The following RIMS2 variants were observed in gnomAD, a reference collection of about 807,000 sequenced individuals.
RIMS2 encodes the protein regulating synaptic membrane exocytosis 2.
In RIMS2, 59 loss-of-function variants were observed where a neutral mutation model predicts 174.4. The ratio of observed to expected loss-of-function variants is 0.34; its 90% CI spans 0.27 to 0.42. The LOEUF (loss-of-function observed/expected upper bound fraction) is 0.42, where lower values mean the gene tolerates loss of function less well. Among genes scored for constraint, RIMS2 ranks in the 10% least tolerant of loss-of-function variants. The pLI is 1.00. For missense variants in RIMS2, 1,620 were observed against 1,666.3 expected, an observed-to-expected ratio of 0.97 and a Z score of 0.48; for synonymous variants, 606 against 572.5, an observed-to-expected ratio of 1.06 and a Z score of -0.84.
rs548237418 is a variant in RIMS2 at position 103,737,228 on chromosome 8, G to A, written c.388-28999G>A. On this transcript the variant is annotated intron_variant, in intron 2 of 23. Coordinates refer to ENST00000504942, the Ensembl canonical transcript of RIMS2. The stretch of plus-strand genomic sequence containing the variant: ...AGACAGAGTCTTACTCTGCCACCCA[G>A]GCTGGAGTGCAGTGGAATGATCTCA... Among the ~76,000 whole-genome samples the A allele has an allele frequency of 2.6e-4, 33 of 125,540 alleles. 1 individual carries two copies. In the Admixed American group the frequency reaches 3.0e-3, roughly 11 times the overall value. 82.4% of individuals were successfully genotyped at this position (125,540 alleles called of 152,430 possible). A position where few individuals can be genotyped will look rare whatever the true frequency, so the allele number is the denominator to read the frequency against.
intron 3 of RIMS2, among the ~76,000 whole-genome samples, chr8:103,855,733 T>C (rs2099023972): frequency 1.3e-5 from 2 of 152,192 alleles, no homozygotes; most frequent in Non-Finnish European, 2.9e-5. Context: ...CTCTGTGGTA[T>C]GTTATTTTTT....
intron 3 of RIMS2, among the ~76,000 whole-genome samples, chr8:103,836,339 T>A (rs2098890487): frequency 6.6e-6 from 1 of 152,090 alleles, no homozygotes; most frequent in Admixed American, 6.6e-5. Flanking sequence ...TCCTTGAGGC[T>A]AGGAGTTTGA....
intron 3 of RIMS2, among the ~76,000 whole-genome samples, chr8:103,805,695 T>A (rs1400536661): frequency 6.6e-6 from 1 of 152,194 alleles, no homozygotes; most frequent in African/African-American, 2.4e-5. Context: ...CTTTTTCTTT[T>A]CATTTCTTCT....
At chr8:103,918,462 T>C (rs770142547) in exon 9 of RIMS2, 11 of 1,603,494 alleles carry the variant, frequency 6.9e-6, no homozygotes, top group Non-Finnish European at 8.5e-6. Flanking sequence ...GAATACCTGA[T>C]AGCACACATG....
chr8:104,047,324 A>G (rs971759090), intron 19 of RIMS2, among the ~76,000 whole-genome samples: 1 of 152,102 alleles, frequency 6.6e-6, no homozygotes, highest in African/African-American at 2.4e-5. Flanking sequence ...ACCTATGCCT[A>G]TCACCCACCT....
At chr8:103,753,634 C>A (rs113245643) in intron 2 of RIMS2, among the ~76,000 whole-genome samples, 34,933 of 151,972 alleles carry the variant, frequency 0.23, 4,293 homozygotes, top group Non-Finnish European at 0.25. Context: ...CGGAGATTCA[C>A]CTTCTTCCTG....
intron 19 of RIMS2, among the ~76,000 whole-genome samples, chr8:104,240,769 G>A (rs1489740871): frequency 9.9e-5 from 15 of 152,162 alleles, no homozygotes; most frequent in Admixed American, 9.8e-4. Flanking sequence ...AATAGATAGA[G>A]CTCACAAGTT....
chr8:103,951,361 C>T (rs1447118730), intron 14 of RIMS2, among the ~76,000 whole-genome samples: 1 of 152,204 alleles, frequency 6.6e-6, no homozygotes, highest in African/African-American at 2.4e-5. Context: ...CAGCTCCCAG[C>T]GAGATCGACG....
At chr8:104,247,630 A>C (rs60418765) in intron 20 of RIMS2, among the ~76,000 whole-genome samples, 30,691 of 152,190 alleles carry the variant, frequency 0.2, 3,383 homozygotes, top group Middle Eastern at 0.26. Flanking sequence ...ATGAAGAATG[A>C]GATTACCATT....
chr8:103,814,046 G>A (rs975943726), intron 3 of RIMS2, among the ~76,000 whole-genome samples: 1 of 152,100 alleles, frequency 6.6e-6, no homozygotes, highest in African/African-American at 2.4e-5. Flanking sequence ...GTAAATATAC[G>A]CCATGGAATA....
intron 19 of RIMS2, among the ~76,000 whole-genome samples, chr8:104,081,674 T>G (rs2097423315): frequency 6.6e-6 from 1 of 152,022 alleles, no homozygotes; most frequent in African/African-American, 2.4e-5. Flanking sequence ...AAAAAAAAGT[T>G]TAATGAAAAG....
intron 3 of RIMS2, among the ~76,000 whole-genome samples, chr8:103,876,953 C>T (rs1437288393): frequency 8.0e-6 from 1 of 125,026 alleles, no homozygotes; most frequent in African/African-American, 2.8e-5. Flanking sequence ...TTTATCCACT[C>T]GTTGATTGAT....
chr8:103,875,350 A>G (rs150075383), intron 3 of RIMS2, among the ~76,000 whole-genome samples: 352 of 152,114 alleles, frequency 2.3e-3, no homozygotes, highest in African/African-American at 8.1e-3. Context: ...CTTATGAGTA[A>G]GAACATACAA....
chr8:103,675,132 G>T (rs1025534977), intron 1 of RIMS2, among the ~76,000 whole-genome samples: 1 of 152,018 alleles, frequency 6.6e-6, no homozygotes, highest in Non-Finnish European at 1.5e-5. Flanking sequence ...GGCTGGTCTC[G>T]AACTCCTGAC....
At chr8:104,221,374 T>G (rs563152807) in intron 19 of RIMS2, among the ~76,000 whole-genome samples, 9 of 152,294 alleles carry the variant, frequency 5.9e-5, no homozygotes, top group African/African-American at 2.2e-4. Context: ...TAATAAGTTA[T>G]TTTCATGACT....
intron 3 of RIMS2, among the ~76,000 whole-genome samples, chr8:103,865,435 C>A (rs2099080423): frequency 6.6e-6 from 1 of 151,834 alleles, no homozygotes; most frequent in Non-Finnish European, 1.5e-5. Context: ...CAGGTGCATG[C>A]CACCACACCC....
intron 23 of RIMS2, 138 bp downstream of exon 29, chr8:104,251,301 C>T (rs916697749): frequency 2.6e-6 from 2 of 760,624 alleles, no homozygotes; most frequent in Non-Finnish European, 2.1e-6. Context: ...AAGCAGTGGC[C>T]CGTGCTATAA....
chr8:103,942,651 A>T, intron 13 of RIMS2, 122 bp from the exon 16 acceptor site: 2 of 684,746 alleles, frequency 2.9e-6, no homozygotes, highest in Non-Finnish European at 4.6e-6. Flanking sequence ...CGTCTAAATG[A>T]CCTTGTTTTT....
At chr8:104,077,516 G>T (rs2097320026) in intron 19 of RIMS2, among the ~76,000 whole-genome samples, 1 of 150,866 alleles carries the variant, frequency 6.6e-6, no homozygotes, top group South Asian at 2.1e-4. Context: ...AATTCTTATT[G>T]TATAGTTTAT....
Sources: allele counts gnomAD v4.1 joint callset (sites outside exome capture counted in the v4.1 genomes callset), GRCh38; gene constraint gnomAD v4.1.1; transcripts MANE v1.5; gene names NCBI Gene and HGNC (gene_info 2026-07-23, HGNC 2026-07-21).